The following CYP4Z1 variants were observed in gnomAD, a reference collection of about 807,000 sequenced individuals.
CYP4Z1 encodes cytochrome P450 4Z1.
In CYP4Z1, 41 loss-of-function variants were observed where a neutral mutation model predicts 54.2. That is an observed-to-expected ratio of 0.76 (90% confidence interval 0.59 to 0.98). The LOEUF is 0.98. Among genes scored for constraint, CYP4Z1 ranks in the 50% least tolerant of loss-of-function variants. The pLI is 0.00. For synonymous variants in CYP4Z1, 163 were observed against 206.2 expected, an observed-to-expected ratio of 0.79 and a Z score of 1.79; for missense variants, 513 against 599.0, an observed-to-expected ratio of 0.86 and a Z score of 1.50.
In CYP4Z1 at chr1:47,074,435, T is replaced by A. The variant is rs1569701786; in HGVS notation, c.319+5672T>A. 2.0e-5 allele frequency among the ~76,000 whole-genome samples: 3 copies of A among 152,148 alleles called. No homozygotes were observed. In the South Asian group the frequency reaches 6.2e-4, roughly 32 times the overall value. On this transcript the variant is annotated intron_variant, in intron 2 of 11. Coordinates refer to ENST00000334194, the MANE Select transcript of CYP4Z1 (RefSeq NM_178134.3). The stretch of plus-strand genomic sequence containing the variant: ...GTTTTCTGTTCCTACATTAATTCAC[T>A]TAGGATAATGTCCTGCACCTGCATC...
chr1:47,056,021 A>G, the CYP4Z1 span, among the ~76,000 whole-genome samples: 2 of 151,884 alleles, frequency 1.3e-5, no homozygotes, highest in East Asian at 1.9e-4. Flanking sequence ...TAGGGTGTCA[A>G]TTTTATATCT....
At chr1:47,062,630 G>A (rs1415093245), upstream of CYP4Z1, among the ~76,000 whole-genome samples, 1 of 152,018 alleles carries the variant, frequency 6.6e-6, no homozygotes, top group African/African-American at 2.4e-5. Context: ...ATACCCCTGG[G>A]AATATAGCTC....
At chr1:47,064,227 G>A (rs1644438702), upstream of CYP4Z1, among the ~76,000 whole-genome samples, 1 of 151,678 alleles carries the variant, frequency 6.6e-6, no homozygotes, top group Non-Finnish European at 1.5e-5. Context: ...GGACTACAGG[G>A]CACACCACCA....
chr1:47,117,831 G>C lies in CYP4Z1; in HGVS notation c.1415G>C (p.Arg472Pro). 6.2e-7 allele frequency: 1 copy of C among 1,613,632 alleles called. No individual in the cohort carries two copies. The highest frequency in any genetic ancestry group is 8.5e-7 in the Non-Finnish European group (1 of 1,179,802). Residue 472 changes from arginine (R) to proline (P), a missense_variant, in exon 12 of 12, where the codon CGC becomes CCC. Coordinates refer to ENST00000334194, the MANE Select transcript of CYP4Z1 (RefSeq NM_178134.3). ...GTGGCAGTGGCATTAACTCTGCTCC[G>C]CTTCAAGCTGGCTCCAGACCACTCA... ...CKVAVALTLLRFKLAPDHSRP... is the reference protein window; with the variant it reads ...CKVAVALTLLPFKLAPDHSRP...
intron 2 of CYP4Z1, among the ~76,000 whole-genome samples, chr1:47,076,844 C>CATAAAAAAAAAAAAAAAAAAAAA (rs1644526955): frequency 1.2e-5 from 1 of 81,430 alleles, no homozygotes; most frequent in Non-Finnish European, 2.4e-5. Flanking sequence ...GACGCTGTCT[C>CATAAAAAAAAAAAAAAAAAAAAA]AAAAAAAAAA....
At chr1:47,082,125 CT>C (rs1165311631) in intron 3 of CYP4Z1, among the ~76,000 whole-genome samples, 4 of 151,494 alleles carry the variant, frequency 2.6e-5, no homozygotes, top group Non-Finnish European at 4.4e-5. Flanking sequence ...TAGGATGGAC[CT>C]TTTTTTGAGT....
At chr1:47,085,154 A>G (rs1644583317) in intron 6 of CYP4Z1, among the ~76,000 whole-genome samples, 176 bp downstream of exon 6, 1 of 152,186 alleles carries the variant, frequency 6.6e-6, no homozygotes, top group African/African-American at 2.4e-5. Context: ...AGGGTATTAT[A>G]TTATTGACTA....
chr1:47,094,783 A>G (rs1569733100), intron 7 of CYP4Z1, 114 bp downstream of exon 7: 2 of 604,330 alleles, frequency 3.3e-6, no homozygotes, highest in South Asian at 3.7e-5. Context: ...CAAGGCGGGC[A>G]GATCACTTGA....
upstream of CYP4Z1, among the ~76,000 whole-genome samples, chr1:47,065,131 G>T (rs78898837): frequency 1.7e-3 from 266 of 152,266 alleles, 1 homozygote; most frequent in African/African-American, 5.5e-3. Flanking sequence ...CATCAAGACA[G>T]AAAATCAACA....
At chr1:47,087,156 A>C (rs1432188096) in intron 6 of CYP4Z1, among the ~76,000 whole-genome samples, 1 of 152,182 alleles carries the variant, frequency 6.6e-6, no homozygotes, top group Non-Finnish European at 1.5e-5. Flanking sequence ...CTTTTGGCTT[A>C]CAATTGACTT....
the CYP4Z1 span, among the ~76,000 whole-genome samples, chr1:47,058,689 C>G: frequency 6.6e-6 from 1 of 152,030 alleles, no homozygotes; most frequent in Non-Finnish European, 1.5e-5. Flanking sequence ...CATGTATATT[C>G]CTGACTACTA....
chr1:47,083,322 C>T lies in CYP4Z1; in HGVS notation c.492+861C>T, dbSNP rs538087002. 6.3e-3 allele frequency among the ~76,000 whole-genome samples: 955 copies of T among 152,292 alleles called. 11 individuals carry two copies. The highest frequency in any genetic ancestry group is 0.021 in the African/African-American group (859 of 41,572). On this transcript the variant is annotated intron_variant, in intron 4 of 11. Transcript: ENST00000334194. The stretch of plus-strand genomic sequence containing the variant: ...CCCTCGTCACCATGCCCACGTCCCA[C>T]TCCAAAATAAAAATCAAAGCAAAAC...
intron 2 of CYP4Z1, among the ~76,000 whole-genome samples, chr1:47,078,354 C>T (rs1384914922): frequency 6.6e-6 from 1 of 151,974 alleles, no homozygotes; most frequent in Non-Finnish European, 1.5e-5. Context: ...TTACTGTATA[C>T]TCCAGTTCTA....
chr1:47,061,667 C>T, the CYP4Z1 span, among the ~76,000 whole-genome samples: 1 of 152,268 alleles, frequency 6.6e-6, no homozygotes, highest in South Asian at 2.1e-4. Flanking sequence ...AGGGACTCTG[C>T]TCTAGCTCAT....
intron 8 of CYP4Z1, among the ~76,000 whole-genome samples, chr1:47,102,939 C>A (rs1644730753): frequency 6.6e-6 from 1 of 152,060 alleles, no homozygotes; most frequent in South Asian, 2.1e-4. Context: ...GTTTCCTCTT[C>A]ACCTTCTGGG....
At chr1:47,099,418 G>A (rs1644704195) in intron 8 of CYP4Z1, 134 bp downstream of exon 8, 2 of 766,456 alleles carry the variant, frequency 2.6e-6, no homozygotes, top group Admixed American at 6.7e-5. Flanking sequence ...GTAGGCTAGA[G>A]TCCTACGTTA....
At chr1:47,105,424 G>A (rs1259245651) in intron 8 of CYP4Z1, among the ~76,000 whole-genome samples, 1 of 152,130 alleles carries the variant, frequency 6.6e-6, no homozygotes, top group Non-Finnish European at 1.5e-5. Context: ...GTTAGTCTCA[G>A]GGCCTGCAAA....
chr1:47,063,990 A>T (rs1023659359), upstream of CYP4Z1, among the ~76,000 whole-genome samples: 5 of 152,148 alleles, frequency 3.3e-5, no homozygotes, highest in African/African-American at 1.2e-4. Context: ...ACTGTGAGGC[A>T]AAAGTGTCAG....
chr1:47,095,017 A>G lies in CYP4Z1; in HGVS notation c.876+348A>G, dbSNP rs189998296. On this transcript the variant is annotated intron_variant, in intron 7 of 11. Transcript: ENST00000334194. ...ACAAATAAATAAATTAGAAAAACTT[A>G]CTTATATGATAACTGATACATATTG... Among the ~76,000 whole-genome samples, 117 of 152,312 alleles carry G rather than the reference A, an allele frequency of 7.7e-4. 1 individual carries two copies. Among genetic ancestry groups the G allele is most frequent in the Non-Finnish European group, 1.3e-3 (89 of 68,030 alleles).
Sources: gnomAD v4.1 joint callset for allele counts (sites outside exome capture counted in the v4.1 genomes callset) on GRCh38, gnomAD v4.1.1 for gene constraint, MANE v1.5 for transcripts, NCBI Gene and HGNC (gene_info 2026-07-23, HGNC 2026-07-21) for gene names.